PLCH1: variants seen among roughly 807,000 people sequenced by gnomAD.
PLCH1 encodes the protein phospholipase C eta 1, also known as 1-phosphatidylinositol 4,5-bisphosphate phosphodiesterase eta-1.
Under a neutral mutation model 126.7 loss-of-function variants are expected in PLCH1, and 60 were observed. The observed-to-expected ratio is 0.47, with a 90% CI of 0.38 to 0.59. The LOEUF is 0.59. PLCH1 is among the 20% of genes least tolerant of loss of function. PLCH1 has a pLI of 0.00. For synonymous variants in PLCH1, 719 were observed against 734.9 expected (o/e 0.98, Z 0.35); for missense variants, 1,723 against 2,040.0 (o/e 0.84, Z 2.99).
chr3:155,683,494 G>A (rs907870522), intron 2 of PLCH1, among the ~76,000 whole-genome samples: 10 of 152,284 alleles, frequency 6.6e-5, no homozygotes, highest in Non-Finnish European at 4.4e-5. Flanking sequence ...CCAGGAGCTT[G>A]CAGCCAGGGA....
At chr3:155,681,981 C>A (rs1259251937) in intron 2 of PLCH1, among the ~76,000 whole-genome samples, 2 of 152,204 alleles carry the variant, frequency 1.3e-5, no homozygotes, top group African/African-American at 4.8e-5. Flanking sequence ...ACCACTCAGT[C>A]ATCCTTACTC....
intron 2 of PLCH1, among the ~76,000 whole-genome samples, chr3:155,621,017 G>A (rs1736418298): frequency 6.6e-6 from 1 of 152,162 alleles, no homozygotes; most frequent in South Asian, 2.1e-4. Context: ...GATAGCCCTG[G>A]CTCGCATCTG....
chr3:155,468,785 A>T (rs547816750), intron 21 of PLCH1, among the ~76,000 whole-genome samples: 1 of 152,342 alleles, frequency 6.6e-6, no homozygotes. Flanking sequence ...ATGTTATTAG[A>T]GGTAAAGAGA....
intron 10 of PLCH1, among the ~76,000 whole-genome samples, chr3:155,540,570 AAGT>A (rs1314374378): frequency 5.9e-5 from 9 of 152,178 alleles, no homozygotes; most frequent in African/African-American, 1.9e-4. Context: ...TACCATCAAA[AAGT>A]AGGCTAAGGA....
At chr3:155,610,439 A>C (rs2108728283) in intron 2 of PLCH1, among the ~76,000 whole-genome samples, 1 of 151,912 alleles carries the variant, frequency 6.6e-6, no homozygotes, top group African/African-American at 2.4e-5. Context: ...AAGGTGAAGA[A>C]AAGAATCTTA....
At chr3:155,618,068 T>A (rs1460628069) in intron 2 of PLCH1, among the ~76,000 whole-genome samples, 1 of 152,236 alleles carries the variant, frequency 6.6e-6, no homozygotes, top group Non-Finnish European at 1.5e-5. Flanking sequence ...TTATTCTTGT[T>A]GCATTTTATA....
intron 2 of PLCH1, among the ~76,000 whole-genome samples, chr3:155,656,375 C>G (rs1031402919): frequency 6.6e-6 from 1 of 152,204 alleles, no homozygotes; most frequent in East Asian, 1.9e-4. Flanking sequence ...AAAGATTATA[C>G]TCAAAACTAT....
chr3:155,552,764 T>A (rs3914781), intron 9 of PLCH1, among the ~76,000 whole-genome samples: 12,416 of 152,182 alleles, frequency 0.082, 641 homozygotes, highest in African/African-American at 0.14. Flanking sequence ...AAGAATTGAA[T>A]CACCATGCTC....
chr3:155,714,595 C>T (rs910565463), intron 1 of PLCH1, among the ~76,000 whole-genome samples: 13 of 152,154 alleles, frequency 8.5e-5, no homozygotes, highest in African/African-American at 3.1e-4. Flanking sequence ...CCACTAAATC[C>T]CAAGTTCCTG....
At chr3:155,679,333 G>A (rs1417539797) in intron 2 of PLCH1, among the ~76,000 whole-genome samples, 1 of 152,032 alleles carries the variant, frequency 6.6e-6, no homozygotes, top group African/African-American at 2.4e-5. Context: ...GGGAGGGCTG[G>A]TGCTCTCTAA....
chr3:155,690,975 C>T (rs1745334806), intron 2 of PLCH1, among the ~76,000 whole-genome samples: 1 of 152,176 alleles, frequency 6.6e-6, no homozygotes, highest in South Asian at 2.1e-4. Context: ...AGTTCCTCAG[C>T]CCCCTCCCCA....
At chr3:155,715,284 T>C (rs540043697) in intron 1 of PLCH1, among the ~76,000 whole-genome samples, 1 of 152,034 alleles carries the variant, frequency 6.6e-6, no homozygotes, top group African/African-American at 2.4e-5. Context: ...ATGGAATTAT[T>C]ACTATCATTT....
intron 2 of PLCH1, among the ~76,000 whole-genome samples, chr3:155,600,349 C>G (rs1049067614): frequency 6.6e-6 from 1 of 152,186 alleles, no homozygotes; most frequent in African/African-American, 2.4e-5. Flanking sequence ...ACAGCAGTTA[C>G]CACCCCTAAA....
rs548288501 is a variant in PLCH1, at chr3:155,638,909, A to G, written c.80-42531T>C. Among the ~76,000 whole-genome samples, 27 of 152,280 alleles carry G rather than the reference A, an allele frequency of 1.8e-4. No individual in the cohort carries two copies. In the South Asian group the frequency reaches 3.7e-3, roughly 21 times the overall value. On this transcript the variant is annotated intron_variant, in intron 2 of 22. Coordinates refer to ENST00000460012, the MANE Select transcript of PLCH1 (RefSeq NM_014996.4). ...ATATTGGAACAAGATCTGGGGGAAA[A>G]TATTAATGAATAAAGGATTATAACC...
chr3:155,487,902 G>A, intron 21 of PLCH1, 126 bp downstream of exon 21: 1 of 628,470 alleles, frequency 1.6e-6, no homozygotes, highest in Non-Finnish European at 2.8e-6. Context: ...GGCTTGCTGG[G>A]CCTCCTTAGA....
rs569565956 is a variant in PLCH1 at position 155,633,871 on chromosome 3, A to G, written c.80-37493T>C. On this transcript the variant is annotated intron_variant, in intron 2 of 22. Coordinates refer to ENST00000460012, the MANE Select transcript of PLCH1 (RefSeq NM_014996.4). ...GTAGGCAGAGTTTGCAATGAGCCGC[A>G]CCACTGCACTCCTCCCTCAGCAACA... is the stretch of plus-strand genomic sequence containing the variant. Among the ~76,000 whole-genome samples, 9 of 152,242 alleles carry G rather than the reference A, an allele frequency of 5.9e-5. No homozygotes were observed. In the South Asian group the frequency reaches 1.9e-3, roughly 32 times the overall value.
chr3:155,691,056 C>A (rs1042697870), intron 2 of PLCH1, among the ~76,000 whole-genome samples: 1 of 152,142 alleles, frequency 6.6e-6, no homozygotes, highest in Non-Finnish European at 1.5e-5. Context: ...AAGGGTGTTA[C>A]AGCTCTTTTA....
At chr3:155,609,406 C>T (rs969595840) in intron 2 of PLCH1, among the ~76,000 whole-genome samples, 6 of 152,130 alleles carry the variant, frequency 3.9e-5, no homozygotes, top group African/African-American at 7.2e-5. Context: ...GCCCTTGAAT[C>T]GCAGATCTTT....
intron 12 of PLCH1, among the ~76,000 whole-genome samples, chr3:155,512,254 C>T (rs956362692): frequency 1.3e-5 from 2 of 152,142 alleles, no homozygotes; most frequent in African/African-American, 4.8e-5. Context: ...TACCTATCAC[C>T]AACTTTGACC....
Sources: gnomAD v4.1 joint callset for allele counts (sites outside exome capture counted in the v4.1 genomes callset) on GRCh38, gnomAD v4.1.1 for gene constraint, MANE v1.5 for transcripts, NCBI Gene and HGNC (gene_info 2026-07-23, HGNC 2026-07-21) for gene names.